The following HDAC4 variants were observed in gnomAD, a reference collection of about 807,000 sequenced individuals.
HDAC4 encodes the protein histone deacetylase A.
A neutral mutation model predicts 135.1 loss-of-function variants in HDAC4; 16 were observed. The ratio of observed to expected loss-of-function variants is 0.12; its 90% CI spans 0.08 to 0.18. HDAC4 has a LOEUF of 0.18. Ranked by LOEUF, HDAC4 falls within the 10% of genes least tolerant of loss-of-function variation. HDAC4 has a pLI of 1.00. For synonymous variants in HDAC4, 685 were observed against 653.4 expected, an observed-to-expected ratio of 1.05 and a Z score of -0.74; for missense variants, 1,143 against 1,511.8, an observed-to-expected ratio of 0.76 and a Z score of 4.05.
intron 2 of HDAC4, among the ~76,000 whole-genome samples, chr2:239,274,110 T>C (rs1193388562): frequency 6.6e-6 from 1 of 152,222 alleles, no homozygotes; most frequent in African/African-American, 2.4e-5. Context: ...CGCTCCTTAT[T>C]GTCTTTTCAC....
chr2:239,331,173 G>A lies in HDAC4; in HGVS notation c.22+21505C>T, dbSNP rs375148851. On this transcript the variant is annotated intron_variant, in intron 2 of 26. Coordinates refer to ENST00000543185, the MANE Select transcript of HDAC4 (RefSeq NM_001378414.1). The surrounding 1 kb of genome is among the most constrained non-coding windows in gnomAD (Gnocchi z 4.5). ...GGGCCATCGGAGCAAAGCGCGGCCAGCACTGTCGTGACATTGATGGCACGA... is the reference window on the plus strand; with the variant it reads ...GGGCCATCGGAGCAAAGCGCGGCCAACACTGTCGTGACATTGATGGCACGA... 2.0e-4 allele frequency among the ~76,000 whole-genome samples: 31 copies of A among 152,344 alleles called. No individual in the cohort carries two copies. The highest frequency in any genetic ancestry group is 7.2e-4 in the African/African-American group (30 of 41,584).
chr2:239,107,895 A>G (rs980684869), intron 15 of HDAC4, among the ~76,000 whole-genome samples, 155 bp downstream of exon 15: 4 of 152,226 alleles, frequency 2.6e-5, no homozygotes, highest in African/African-American at 9.6e-5. Flanking sequence ...TGCCCGCCCA[A>G]ATGCAGACAG....
At chr2:239,382,260 CTTT>C (rs1054241693) in intron 1 of HDAC4, among the ~76,000 whole-genome samples, 1 of 152,216 alleles carries the variant, frequency 6.6e-6, no homozygotes, top group Non-Finnish European at 1.5e-5. Flanking sequence ...TTAATGGATT[CTTT>C]ATTTGCGTGC....
intron 2 of HDAC4, among the ~76,000 whole-genome samples, chr2:239,292,626 G>A (rs924190784): frequency 3.3e-5 from 5 of 152,180 alleles, no homozygotes; most frequent in African/African-American, 9.7e-5. Flanking sequence ...CTGGGAACTC[G>A]AGCCAAGTAA....
At chr2:239,082,898 G>A (rs188276765) in intron 20 of HDAC4, among the ~76,000 whole-genome samples, 156 of 152,366 alleles carry the variant, frequency 1.0e-3, no homozygotes, top group Non-Finnish European at 5.3e-4. Context: ...CAGGATGGGC[G>A]GGCGAGGGGG....
intron 12 of HDAC4, among the ~76,000 whole-genome samples, chr2:239,122,715 T>C (rs1207303469): frequency 6.6e-6 from 1 of 152,194 alleles, no homozygotes; most frequent in Non-Finnish European, 1.5e-5. Context: ...AGTGGCTACA[T>C]ATGGCTGCAG....
chr2:239,363,536 T>G (rs1693990305), intron 1 of HDAC4, among the ~76,000 whole-genome samples: 2 of 152,226 alleles, frequency 1.3e-5, no homozygotes, highest in African/African-American at 4.8e-5. Context: ...AGCTGCTCTT[T>G]GATGCTAAAT....
intron 3 of HDAC4, among the ~76,000 whole-genome samples, chr2:239,219,427 C>T (rs952107600): frequency 1.5e-4 from 21 of 138,492 alleles, no homozygotes; most frequent in Non-Finnish European, 2.7e-4. Flanking sequence ...ATTGAGAACA[C>T]GTGGACACAG....
chr2:239,349,585 C>T lies in HDAC4; in HGVS notation c.22+3093G>A, dbSNP rs889750685. On this transcript the variant is annotated intron_variant, in intron 2 of 26. Transcript: ENST00000543185. The surrounding 1 kb of genome is among the most constrained non-coding windows in gnomAD (Gnocchi z 5.7). ...GGCACACAAGCGAGTGGGCCTCGCC[C>T]AGGAGGGAGGGCACGGTTCTGGGCA... Among the ~76,000 whole-genome samples the T allele has an allele frequency of 1.3e-4, 20 of 152,272 alleles. No individual in the cohort carries two copies. Among genetic ancestry groups the T allele is most frequent in the African/African-American group, 4.8e-4 (20 of 41,578 alleles).
At chr2:239,311,630 G>C in intron 2 of HDAC4, among the ~76,000 whole-genome samples, 1 of 152,284 alleles carries the variant, frequency 6.6e-6, no homozygotes, top group South Asian at 2.1e-4. Context: ...TGACAGGAAA[G>C]GACAGCTCAG....
At chr2:239,241,038 G>A (rs1208539574) in intron 2 of HDAC4, among the ~76,000 whole-genome samples, 1 of 152,192 alleles carries the variant, frequency 6.6e-6, no homozygotes, top group Admixed American at 6.5e-5. Flanking sequence ...CTCAAGGGCT[G>A]TGCAGTTTCC....
At chr2:239,057,428 G>T (rs2032025782) in intron 24 of HDAC4, among the ~76,000 whole-genome samples, 1 of 152,038 alleles carries the variant, frequency 6.6e-6, no homozygotes, top group Non-Finnish European at 1.5e-5. Context: ...CAAGCCAGGG[G>T]CAAAAAAACC....
At chr2:239,130,434 C>A (rs1447069590) in intron 11 of HDAC4, among the ~76,000 whole-genome samples, 2 of 152,202 alleles carry the variant, frequency 1.3e-5, no homozygotes, top group Non-Finnish European at 2.9e-5. Flanking sequence ...GTCTCCACTG[C>A]CAGCTCAGGA....
Position 239,303,323 on chromosome 2 carries a change from C to T in HDAC4, c.22+49355G>A, listed in dbSNP as rs549431203. 3.9e-5 allele frequency among the ~76,000 whole-genome samples: 6 copies of T among 152,384 alleles called. No homozygotes were observed. Among genetic ancestry groups the T allele is most frequent in the African/African-American group, 1.4e-4 (6 of 41,586 alleles). On this transcript the variant is annotated intron_variant, in intron 2 of 26. Transcript: ENST00000543185. The surrounding 1 kb of genome is among the most constrained non-coding windows in gnomAD (Gnocchi z 5.1). The stretch of plus-strand genomic sequence containing the variant: ...CTTTTTATCTACGCTCCCGGATTGA[C>T]TTGTCCTCCTCTGATGCCTGGTTCC...
chr2:239,301,159 C>A (rs1476428880), intron 2 of HDAC4, among the ~76,000 whole-genome samples: 3 of 152,346 alleles, frequency 2.0e-5, no homozygotes, highest in African/African-American at 7.2e-5. Flanking sequence ...ATGGAGCCAG[C>A]CGGGCACCAC....
chr2:239,174,401 G>A (rs907999097), intron 5 of HDAC4, among the ~76,000 whole-genome samples: 3 of 39,398 alleles, frequency 7.6e-5, no homozygotes, highest in African/African-American at 1.6e-4. Context: ...ATATTCATTC[G>A]GCAAAAAAAA....
chr2:239,234,245 G>A (rs377604553), intron 3 of HDAC4, among the ~76,000 whole-genome samples: 3 of 152,140 alleles, frequency 2.0e-5, no homozygotes, highest in East Asian at 1.9e-4. Flanking sequence ...TCGCTGCTAC[G>A]TTATTTAAAA....
chr2:239,092,115 T>C (rs2036573997), intron 17 of HDAC4, among the ~76,000 whole-genome samples: 1 of 152,090 alleles, frequency 6.6e-6, no homozygotes, highest in African/African-American at 2.4e-5. Flanking sequence ...GGCCTGGGCC[T>C]GTAGTCCCCA....
chr2:239,195,066 T>C lies in HDAC4; in HGVS notation c.95-4989A>G, dbSNP rs537086740. On this transcript the variant is annotated intron_variant, in intron 3 of 26. Coordinates refer to ENST00000543185, the MANE Select transcript of HDAC4 (RefSeq NM_001378414.1). ...AAGGAGCCTGGACTCACTGGCACAGTGCAGCCAGAGGGGGCTTCGGTGGGC... is the reference window on the plus strand; with the variant it reads ...AAGGAGCCTGGACTCACTGGCACAGCGCAGCCAGAGGGGGCTTCGGTGGGC... Among the ~76,000 whole-genome samples, 812 of 152,298 alleles carry C rather than the reference T, an allele frequency of 5.3e-3. 5 individuals are homozygous for C. The highest frequency in any genetic ancestry group is 7.9e-3 in the Non-Finnish European group (534 of 68,010).
Sources: allele counts gnomAD v4.1 joint callset (sites outside exome capture counted in the v4.1 genomes callset), GRCh38; gene constraint gnomAD v4.1.1; non-coding constraint Gnocchi (gnomAD v3.1); transcripts MANE v1.5; gene names NCBI Gene and HGNC (gene_info 2026-07-23, HGNC 2026-07-21).